Variants in MTUS2 observed in about 807,000 individuals in gnomAD.
MTUS2 encodes the protein microtubule-associated tumor suppressor candidate 2.
MTUS2 carries 40 observed loss-of-function variants against 114.1 expected under a neutral mutation model. The ratio of observed to expected loss-of-function variants is 0.35; its 90% CI spans 0.27 to 0.46. The LOEUF (loss-of-function observed/expected upper bound fraction) is 0.46. Among genes scored for constraint, MTUS2 ranks in the 20% least tolerant of loss-of-function variants. MTUS2 has a pLI of 1.00. For missense variants in MTUS2, 1,679 were observed against 1,705.4 expected (o/e 0.98, Z 0.27); for synonymous variants, 688 against 672.0 (o/e 1.02, Z -0.37).
At chr13:29,468,314 C>T (rs975188131) in intron 9 of MTUS2, among the ~76,000 whole-genome samples, 1 of 151,936 alleles carries the variant, frequency 6.6e-6, no homozygotes, top group Non-Finnish European at 1.5e-5. Context: ...CACAGTGGCT[C>T]ACGCCTGTAA....
At position 28,987,198 on chromosome 13, in the gene MTUS2, C is replaced by T. The variant is rs138407643; in HGVS notation, c.-242-37259C>T. Among the ~76,000 whole-genome samples the T allele has an allele frequency of 2.1e-3, 324 of 152,242 alleles. 1 individual carries two copies. Among genetic ancestry groups the T allele is most frequent in the African/African-American group, 7.3e-3 (303 of 41,528 alleles). On this transcript the variant is annotated intron_variant, in intron 2 of 15. Coordinates refer to ENST00000612955, the MANE Select transcript of MTUS2 (RefSeq NM_001033602.4). ...TTGTCAGCCTACAGGTGGTAGTGAGCCTTGAGTGTGCAGGAAATCTTCCCT... is the reference window on the plus strand; with the variant it reads ...TTGTCAGCCTACAGGTGGTAGTGAGTCTTGAGTGTGCAGGAAATCTTCCCT...
At chr13:29,079,076 A>G (rs1259427995) in intron 4 of MTUS2, among the ~76,000 whole-genome samples, 1 of 152,116 alleles carries the variant, frequency 6.6e-6, no homozygotes, top group African/African-American at 2.4e-5. Flanking sequence ...TATCCTCACC[A>G]ACACTTGTTA....
chr13:29,437,697 G>T (rs1256567277), intron 8 of MTUS2, among the ~76,000 whole-genome samples: 1 of 152,172 alleles, frequency 6.6e-6, no homozygotes, highest in East Asian at 1.9e-4. Flanking sequence ...TGTAATCCCA[G>T]TACTGTGGCA....
At chr13:28,864,630 C>T (rs1344677221) in intron 2 of MTUS2, among the ~76,000 whole-genome samples, 1 of 152,244 alleles carries the variant, frequency 6.6e-6, no homozygotes, top group African/African-American at 2.4e-5. Flanking sequence ...GGGCCTGAGA[C>T]TGTGCTTGAT....
intron 9 of MTUS2, among the ~76,000 whole-genome samples, chr13:29,454,892 GC>G: frequency 6.6e-6 from 1 of 152,138 alleles, no homozygotes; most frequent in Admixed American, 6.5e-5. Flanking sequence ...TCTGCTTCTA[GC>G]CATAATAGCA....
At chr13:29,063,709 C>T (rs1565987644) in intron 4 of MTUS2, among the ~76,000 whole-genome samples, 1 of 152,134 alleles carries the variant, frequency 6.6e-6, no homozygotes. Flanking sequence ...TAAACAAGCA[C>T]AGTCTGGGCA....
At chr13:29,470,826 A>G (rs1290733744) in intron 9 of MTUS2, among the ~76,000 whole-genome samples, 1 of 151,964 alleles carries the variant, frequency 6.6e-6, no homozygotes, top group African/African-American at 2.4e-5. Flanking sequence ...AATTTTTCCC[A>G]TCTTAAGACC....
At chr13:29,316,586 C>T (rs1900000070) in intron 6 of MTUS2, among the ~76,000 whole-genome samples, 1 of 152,166 alleles carries the variant, frequency 6.6e-6, no homozygotes, top group Non-Finnish European at 1.5e-5. Flanking sequence ...ATCCATTGTG[C>T]TTCTATGGGC....
intron 2 of MTUS2, among the ~76,000 whole-genome samples, chr13:28,944,020 ATT>A (rs1882383018): frequency 6.6e-6 from 1 of 151,990 alleles, no homozygotes; most frequent in Non-Finnish European, 1.5e-5. Flanking sequence ...TTGGTGTTAG[ATT>A]TTTACGTAGG....
At chr13:28,841,981 G>A (rs966825766) in intron 2 of MTUS2, among the ~76,000 whole-genome samples, 7 of 152,138 alleles carry the variant, frequency 4.6e-5, no homozygotes, top group African/African-American at 9.7e-5. Flanking sequence ...CACCGCGCCC[G>A]GCCAAAGTTT....
Position 29,346,298 on chromosome 13 carries a change from G to A in MTUS2, c.2906-12964G>A, listed in dbSNP as rs148532808. ...GTGTTCTTTGTCTTCAGCTACCAGG[G>A]TGGGTAGAGAAAGACCATCAGGTGG... On this transcript the variant is annotated intron_variant, in intron 7 of 15. Transcript: ENST00000612955. Among the ~76,000 whole-genome samples, 707 of 152,244 alleles carry A rather than the reference G, an allele frequency of 4.6e-3. 6 individuals carry two copies. The highest frequency in any genetic ancestry group is 0.016 in the African/African-American group (661 of 41,532).
intron 2 of MTUS2, among the ~76,000 whole-genome samples, chr13:28,888,331 TAGAG>T (rs773855666): frequency 6.6e-6 from 1 of 151,762 alleles, no homozygotes; most frequent in East Asian, 1.9e-4. Context: ...ACAGTGAAAG[TAGAG>T]AGAACAGAAA....
At position 29,293,636 on chromosome 13, in the gene MTUS2, T is replaced by G. The variant is rs577491533; in HGVS notation, c.2806+11771T>G. On this transcript the variant is annotated intron_variant, in intron 6 of 15. Coordinates refer to ENST00000612955, the MANE Select transcript of MTUS2 (RefSeq NM_001033602.4). ...CAATAATGATATATGTGCAGGAACT[T>G]TCTATGCAGCATTGGTTACAATGCT... Among the ~76,000 whole-genome samples the G allele has an allele frequency of 3.9e-5, 6 of 152,204 alleles. No individual in the cohort carries two copies. The South Asian group carries it at 1.2e-3, about 32-fold the overall frequency.
intron 8 of MTUS2, among the ~76,000 whole-genome samples, chr13:29,372,790 A>G (rs997887316): frequency 2.0e-5 from 3 of 152,212 alleles, no homozygotes; most frequent in Non-Finnish European, 4.4e-5. Context: ...ACTTATATGA[A>G]GACCCAACAC....
intron 9 of MTUS2, among the ~76,000 whole-genome samples, chr13:29,462,927 T>C (rs1459239298): frequency 6.6e-6 from 1 of 152,136 alleles, no homozygotes; most frequent in African/African-American, 2.4e-5. Flanking sequence ...AGAGCCTGTG[T>C]TAACCTCCTG....
At chr13:29,136,565 C>T (rs921672039) in intron 5 of MTUS2, among the ~76,000 whole-genome samples, 5 of 152,094 alleles carry the variant, frequency 3.3e-5, no homozygotes, top group Non-Finnish European at 7.3e-5. Flanking sequence ...TTAAATCAGT[C>T]ATGTTTGTAT....
rs573982066 is a variant in MTUS2 at position 29,206,027 on chromosome 13, G to A, written c.2645-75677G>A. Among the ~76,000 whole-genome samples, 8 of 152,214 alleles carry A rather than the reference G, an allele frequency of 5.3e-5. No individual in the cohort carries two copies. The South Asian group carries it at 1.7e-3, about 32-fold the overall frequency. ...TTTGTACTAGTTTACATTCCCATCA[G>A]CAATATACAAGTGTTCCCTTTTCAC... is the stretch of plus-strand genomic sequence containing the variant. On this transcript the variant is annotated intron_variant, in intron 5 of 15. Coordinates refer to ENST00000612955, the MANE Select transcript of MTUS2 (RefSeq NM_001033602.4).
chr13:28,920,634 T>C (rs946873783), intron 2 of MTUS2, among the ~76,000 whole-genome samples: 1 of 152,190 alleles, frequency 6.6e-6, no homozygotes, highest in African/African-American at 2.4e-5. Flanking sequence ...TGTGTCCCTT[T>C]CTTCAGGGTG....
chr13:29,400,404 A>G (rs1179790581), intron 8 of MTUS2, among the ~76,000 whole-genome samples: 1 of 152,206 alleles, frequency 6.6e-6, no homozygotes, highest in East Asian at 1.9e-4. Context: ...AGCATTTATG[A>G]ATCAGTTGAG....
Sources: allele counts gnomAD v4.1 joint callset (sites outside exome capture counted in the v4.1 genomes callset), GRCh38; gene constraint gnomAD v4.1.1; transcripts MANE v1.5; gene names NCBI Gene and HGNC (gene_info 2026-07-23, HGNC 2026-07-21).